The following PRKCB variants were observed in gnomAD, a reference collection of about 807,000 sequenced individuals.
The protein encoded by PRKCB is protein kinase C beta.
Under a neutral mutation model 81.5 loss-of-function variants are expected in PRKCB, and 13 were observed. The ratio of observed to expected loss-of-function variants is 0.16; its 90% CI spans 0.10 to 0.25. PRKCB has a LOEUF of 0.25. Ranked by LOEUF, PRKCB falls within the 10% of genes least tolerant of loss-of-function variation. The probability of loss-of-function intolerance (pLI) is 1.00; values close to 1 mark genes in which losing one functional copy is unlikely to be tolerated. For synonymous variants in PRKCB, 335 were observed against 321.4 expected (o/e 1.04, Z -0.45); for missense variants, 509 against 875.7 (o/e 0.58, Z 5.29).
chr16:23,871,874 TTTTTTTA>T lies in PRKCB; in HGVS notation c.205+34469_205+34475del, dbSNP rs1395277949. On this transcript the variant is annotated intron_variant, in intron 2 of 16. Transcript: ENST00000643927. ...GTTATACAGGTTTTTTTTTTTTTTTTTTTTTTAAATCTTTTCATAGCATCTGTAACTG... is the reference window on the plus strand; with the variant it reads ...GTTATACAGGTTTTTTTTTTTTTTTTAATCTTTTCATAGCATCTGTAACTG... Among the ~76,000 whole-genome samples, 97 of 99,706 alleles carry T rather than the reference TTTTTTTA, an allele frequency of 9.7e-4. 2 individuals carry two copies. The South Asian group carries it at 0.017, about 17-fold the overall frequency. The allele number at this position is 99,706 out of a possible 152,430, so 65.4% of individuals were successfully genotyped here.
chr16:23,959,656 G>T (rs569549103), intron 2 of PRKCB, among the ~76,000 whole-genome samples: 7 of 152,270 alleles, frequency 4.6e-5, no homozygotes, highest in African/African-American at 1.7e-4. Context: ...TCCTCGGTTT[G>T]GTACTGCCTC....
chr16:23,986,291 T>A (rs2141820149), intron 2 of PRKCB, among the ~76,000 whole-genome samples: 1 of 152,304 alleles, frequency 6.6e-6, no homozygotes, highest in South Asian at 2.1e-4. Context: ...TCTCATTAGG[T>A]CACCCAGGCT....
At chr16:24,122,449 C>CTCT (rs763021132) in intron 8 of PRKCB, among the ~76,000 whole-genome samples, 5 of 97,640 alleles carry the variant, frequency 5.1e-5, no homozygotes, top group Non-Finnish European at 9.2e-5. Context: ...TACCACGAGG[C>CTCT]TTTTTTTTTT....
intron 2 of PRKCB, among the ~76,000 whole-genome samples, chr16:23,925,581 G>A (rs1328542788): frequency 6.6e-6 from 1 of 151,988 alleles, no homozygotes; most frequent in Non-Finnish European, 1.5e-5. Context: ...CCTGTCTGAG[G>A]TCATCCTGTC....
chr16:24,022,560 C>T (rs12232400), intron 3 of PRKCB, among the ~76,000 whole-genome samples: 26,024 of 151,926 alleles, frequency 0.17, 2,367 homozygotes, highest in East Asian at 0.26. Context: ...GGTGCGATCT[C>T]AGCTCACTGC....
chr16:24,068,312 C>T (rs1966063459), intron 5 of PRKCB, among the ~76,000 whole-genome samples: 1 of 152,124 alleles, frequency 6.6e-6, no homozygotes, highest in African/African-American at 2.4e-5. Flanking sequence ...CTCTTCCCCT[C>T]CCACTATGAT....
intron 16 of PRKCB, among the ~76,000 whole-genome samples, chr16:24,205,111 C>G (rs1968023686): frequency 6.9e-6 from 1 of 145,324 alleles, no homozygotes; most frequent in South Asian, 2.2e-4. Context: ...CAAAGTGAGA[C>G]TTCATCTCAA....
intron 2 of PRKCB, among the ~76,000 whole-genome samples, chr16:23,935,952 A>G (rs1188526816): frequency 6.6e-6 from 1 of 152,136 alleles, no homozygotes; most frequent in Non-Finnish European, 1.5e-5. Context: ...TGTACACCAA[A>G]CCTCAGCATC....
At chr16:23,897,943 G>T (rs1191610269) in intron 2 of PRKCB, among the ~76,000 whole-genome samples, 1 of 151,782 alleles carries the variant, frequency 6.6e-6, no homozygotes, top group African/African-American at 2.4e-5. Flanking sequence ...CTGTTGTCCA[G>T]GCTGGAGTGC....
intron 9 of PRKCB, among the ~76,000 whole-genome samples, chr16:24,132,720 G>A (rs1337333220): frequency 6.7e-6 from 1 of 149,986 alleles, no homozygotes; most frequent in East Asian, 2.0e-4. Flanking sequence ...CACACAGCTA[G>A]TAAATGGCAT....
At chr16:24,149,505 C>G (rs1210792441) in intron 9 of PRKCB, among the ~76,000 whole-genome samples, 1 of 152,132 alleles carries the variant, frequency 6.6e-6, no homozygotes, top group Non-Finnish European at 1.5e-5. Context: ...GTCAGCTTTA[C>G]CTACTGACAT....
At chr16:24,075,446 T>C (rs1242609719) in intron 5 of PRKCB, among the ~76,000 whole-genome samples, 1 of 152,162 alleles carries the variant, frequency 6.6e-6, no homozygotes, top group Admixed American at 6.5e-5. Context: ...GGTTTTGCAG[T>C]GGGCTGAAGT....
chr16:24,139,648 G>A (rs1966880856), intron 9 of PRKCB, among the ~76,000 whole-genome samples: 1 of 152,174 alleles, frequency 6.6e-6, no homozygotes, highest in South Asian at 2.1e-4. Context: ...TACAGGTGTG[G>A]CATGGCCTCA....
At chr16:23,891,031 A>AT (rs1963286430) in intron 2 of PRKCB, among the ~76,000 whole-genome samples, 1 of 149,782 alleles carries the variant, frequency 6.7e-6, no homozygotes, top group Non-Finnish European at 1.5e-5. Context: ...GTATATATAT[A>AT]ATGTGTGTGT....
At chr16:24,205,403 C>T (rs182981090) in intron 16 of PRKCB, among the ~76,000 whole-genome samples, 3 of 151,786 alleles carry the variant, frequency 2.0e-5, no homozygotes, top group Admixed American at 1.3e-4. Context: ...GATCCTTCCA[C>T]CTGGGCCTCC....
At chr16:23,942,482 A>C (rs1964151617) in intron 2 of PRKCB, among the ~76,000 whole-genome samples, 1 of 152,210 alleles carries the variant, frequency 6.6e-6, no homozygotes, top group Non-Finnish European at 1.5e-5. Context: ...AGTTTGAGAA[A>C]TGGCTTGATG....
At position 24,219,534 on chromosome 16, in the gene PRKCB, C is replaced by T. The variant is rs1968287569; in HGVS notation, c.*4718C>T. On this transcript the variant is annotated 3_prime_UTR_variant, in exon 17 of 17. Transcript: ENST00000643927. ...TTCAGAGAAAGAGGTCTTCTAGCCA[C>T]CTGGGCTGCTACTGAATGGTTTTCT... is the stretch of plus-strand genomic sequence containing the variant. 1 of 988,632 alleles carries T rather than the reference C, an allele frequency of 1.0e-6. No homozygotes were observed. Among genetic ancestry groups the T allele is most frequent in the Non-Finnish European group, 1.2e-6 (1 of 832,200 alleles). The allele number at this position is 988,632 out of a possible 1,614,324, so 61.2% of individuals were successfully genotyped here.
At chr16:24,116,410 T>TA (rs547737785) in intron 8 of PRKCB, among the ~76,000 whole-genome samples, 11 of 151,010 alleles carry the variant, frequency 7.3e-5, no homozygotes, top group East Asian at 5.8e-4. Context: ...AATATATATT[T>TA]AAAAAAAAAT....
intron 2 of PRKCB, among the ~76,000 whole-genome samples, chr16:23,933,931 CCAT>C (rs1964019841): frequency 9.1e-4 from 1 of 1,104 alleles, no homozygotes; most frequent in Non-Finnish European, 1.9e-3. Context: ...TTCCATTCAT[CCAT>C]CCATCCATCC....
Sources: gnomAD v4.1 joint callset for allele counts (sites outside exome capture counted in the v4.1 genomes callset) on GRCh38, gnomAD v4.1.1 for gene constraint, MANE v1.5 for transcripts, NCBI Gene and HGNC (gene_info 2026-07-23, HGNC 2026-07-21) for gene names.